HCN2: variants seen among roughly 807,000 people sequenced by gnomAD.
HCN2 encodes potassium/sodium hyperpolarization-activated cyclic nucleotide-gated channel 2.
In HCN2, 20 loss-of-function variants were observed where a neutral mutation model predicts 52.3. The observed-to-expected ratio is 0.38, with a 90% CI of 0.27 to 0.56. The LOEUF (loss-of-function observed/expected upper bound fraction) is 0.56. Ranked by LOEUF, HCN2 falls within the 20% of genes least tolerant of loss-of-function variation. HCN2 has a pLI of 0.71. For missense variants in HCN2, 981 were observed against 1,207.7 expected (o/e 0.81, Z 2.78); for synonymous variants, 694 against 537.0 (o/e 1.29, Z -4.04).
rs756790047 is a variant in HCN2, at chr19:610,418, CCGGGCGGGCGG to C, written c.1584+14_1584+24del. 161 of 1,610,604 alleles carry C rather than the reference CCGGGCGGGCGG, an allele frequency of 1.0e-4. 1 individual carries two copies. In the South Asian group the frequency reaches 1.7e-3, roughly 17 times the overall value. ...GCCCCTGCGGGAGGTGAGGCGGGCG[CCGGGCGGGCGG>C]GAGGCAGCCTCCGGTACAGGGCCGG... On this transcript the variant is annotated intron_variant, in intron 5 of 7. Coordinates refer to ENST00000251287, the MANE Select transcript of HCN2 (RefSeq NM_001194.4).
intron 1 of HCN2, among the ~76,000 whole-genome samples, chr19:596,043 C>T (rs1050761545): frequency 6.6e-6 from 1 of 152,226 alleles, no homozygotes; most frequent in Non-Finnish European, 1.5e-5. Flanking sequence ...GGCTGAGGGT[C>T]CTGGGCCTTC....
At chr19:599,847 C>CATGTGT (rs1983147858) in intron 1 of HCN2, among the ~76,000 whole-genome samples, 1 of 133,302 alleles carries the variant, frequency 7.5e-6, no homozygotes, top group South Asian at 2.5e-4. Flanking sequence ...GAAGGGGTCC[C>CATGTGT]GTGTGTGTGT....
At chr19:612,714 C>CT (rs1039360644) in intron 5 of HCN2, among the ~76,000 whole-genome samples, 2 of 149,124 alleles carry the variant, frequency 1.3e-5, no homozygotes, top group African/African-American at 5.0e-5. Flanking sequence ...CACGCCCGGC[C>CT]TTATTTTTCC....
rs539619894 is a variant in HCN2 at position 613,830 on chromosome 19, C to A, written c.1826-22C>A. 80 of 1,520,532 alleles carry A rather than the reference C, an allele frequency of 5.3e-5. 1 individual carries two copies. In the South Asian group the frequency reaches 6.4e-4, roughly 12 times the overall value. 94.2% of individuals were successfully genotyped at this position (1,520,532 alleles called of 1,614,324 possible). ...GCGGCGCCCGCCTCGTCCAGCAACC[C>A]CCCCCTGCGCGCCACGTGCAGAGAT... On this transcript the variant is annotated intron_variant, in intron 6 of 7. Coordinates refer to ENST00000251287, the MANE Select transcript of HCN2 (RefSeq NM_001194.4).
intron 2 of HCN2, among the ~76,000 whole-genome samples, chr19:604,810 GGGGGCTGT>G: frequency 3.0e-5 from 3 of 98,736 alleles, no homozygotes; most frequent in Non-Finnish European, 3.9e-5. Context: ...GTCCTAGGGC[GGGGGCTGT>G]GGATTTGGGG....
chr19:592,371 G>A lies in HCN2; in HGVS notation c.632+1794G>A, dbSNP rs1009662537. ...AGAGGGGCGGTCGGTGGCCTGGGGG[G>A]CAGGTGGGCAGATGGCTGATCCCGG... On this transcript the variant is annotated intron_variant, in intron 1 of 7. Coordinates refer to ENST00000251287, the MANE Select transcript of HCN2 (RefSeq NM_001194.4). The surrounding 1 kb of genome is among the most constrained non-coding windows in gnomAD (Gnocchi z 4.8). 6.6e-6 allele frequency among the ~76,000 whole-genome samples: 1 copy of A among 152,226 alleles called. No individual in the cohort carries two copies. Among genetic ancestry groups the A allele is most frequent in the Non-Finnish European group, 1.5e-5 (1 of 68,022 alleles).
At chr19:607,018 CA>C (rs956398612) in intron 3 of HCN2, among the ~76,000 whole-genome samples, 2 of 146,118 alleles carry the variant, frequency 1.4e-5, no homozygotes, top group African/African-American at 5.0e-5. Context: ...ACTAAAAATA[CA>C]AAACTAGCTT....
At chr19:606,385 G>C (rs527851728) in intron 3 of HCN2, among the ~76,000 whole-genome samples, 2 of 152,006 alleles carry the variant, frequency 1.3e-5, no homozygotes, top group Admixed American at 6.6e-5. Context: ...ACAGGCGTGA[G>C]CCACCGCGCC....
At position 592,413 on chromosome 19, in the gene HCN2, C is replaced by T. The variant is rs971212513; in HGVS notation, c.632+1836C>T. On this transcript the variant is annotated intron_variant, in intron 1 of 7. Transcript: ENST00000251287. This position sits in a 1 kb window ranked among gnomAD's most constrained non-coding sequence, Gnocchi z 4.8. ...TGATCCCGGGGCTTGGGGGGAAGGC[C>T]GGTGGTAGGAGTGAAGCCCTCTCAT... 1.3e-5 allele frequency among the ~76,000 whole-genome samples: 2 copies of T among 152,146 alleles called. No individual in the cohort carries two copies. The highest frequency in any genetic ancestry group is 1.9e-4 in the East Asian group (1 of 5,182).
chr19:614,538 G>A (rs28631088), intron 7 of HCN2, among the ~76,000 whole-genome samples: 32,317 of 152,100 alleles, frequency 0.21, 3,913 homozygotes, highest in African/African-American at 0.33. Context: ...ATGTGGAAAC[G>A]GGGAGGAAGA....
In HCN2 at chr19:616,021, C is replaced by T. The variant is rs776967198; in HGVS notation, c.2217C>T (p.Cys739=). The stretch of plus-strand genomic sequence containing the variant: ...AGCAGGCGGCGGCCATGAGCTTCTG[C>T]CCGCAGGTGGCGCGGCCGCTCGTGG... The part of the protein sequence containing the change: ...TLQQAAAMSF[C]PQVARPLVGP... The change falls in exon 8 of 8, where the codon TGC becomes TGT. Residue 739 remains cysteine, a synonymous_variant. Coordinates refer to ENST00000251287, the MANE Select transcript of HCN2 (RefSeq NM_001194.4). 3.5e-5 allele frequency: 48 copies of T among 1,382,298 alleles called. No individual in the cohort carries two copies. Among genetic ancestry groups the T allele is most frequent in the Non-Finnish European group, 4.2e-5 (45 of 1,073,844 alleles). The allele number at this position is 1,382,298 out of a possible 1,614,324, so 85.6% of individuals were successfully genotyped here.
chr19:599,361 G>A (rs1233414260), intron 1 of HCN2, among the ~76,000 whole-genome samples: 1 of 152,192 alleles, frequency 6.6e-6, no homozygotes, highest in East Asian at 1.9e-4. Flanking sequence ...CCAGCGATGA[G>A]CTCCCAGGTT....
At chr19:601,608 G>A (rs1034712155) in intron 1 of HCN2, among the ~76,000 whole-genome samples, 1 of 150,882 alleles carries the variant, frequency 6.6e-6, no homozygotes, top group Non-Finnish European at 1.5e-5. Context: ...ACACGGCGGG[G>A]TGCTCGTCCG....
intron 4 of HCN2, among the ~76,000 whole-genome samples, chr19:608,488 G>T (rs565407490): frequency 4.1e-4 from 62 of 152,256 alleles, no homozygotes; most frequent in Admixed American, 3.9e-4. Flanking sequence ...GGGACCCTGG[G>T]GGTCTGTGGC....
At chr19:611,328 G>A (rs913756539) in intron 5 of HCN2, among the ~76,000 whole-genome samples, 1 of 152,232 alleles carries the variant, frequency 6.6e-6, no homozygotes, top group Non-Finnish European at 1.5e-5. Context: ...CACGCAGGCA[G>A]CAGAGAGCAG....
At chr19:601,321 A>G (rs1160099711) in intron 1 of HCN2, among the ~76,000 whole-genome samples, 1 of 152,052 alleles carries the variant, frequency 6.6e-6, no homozygotes, top group Non-Finnish European at 1.5e-5. Context: ...TCGGAAAAAA[A>G]AAGAAATGGC....
chr19:612,574 C>T (rs1042044524), intron 5 of HCN2, among the ~76,000 whole-genome samples: 1 of 152,006 alleles, frequency 6.6e-6, no homozygotes, highest in East Asian at 1.9e-4. Flanking sequence ...CCACCACACC[C>T]AGCTAATTTT....
chr19:604,838 A>T (rs1313905518), intron 2 of HCN2, among the ~76,000 whole-genome samples: 2 of 45,936 alleles, frequency 4.4e-5, no homozygotes, highest in Non-Finnish European at 7.5e-5. Flanking sequence ...GGGGTCCTGC[A>T]GTGAAGGCTG....
chr19:613,177 T>C (rs1983719884), intron 5 of HCN2, 71 bp from the exon 6 acceptor site: 2 of 1,524,828 alleles, frequency 1.3e-6, no homozygotes, highest in South Asian at 2.4e-5. Flanking sequence ...GGTGAGCCGG[T>C]CCCAGAGGCA....
Sources: gnomAD v4.1 joint callset for allele counts (sites outside exome capture counted in the v4.1 genomes callset) on GRCh38, gnomAD v4.1.1 for gene constraint, Gnocchi (gnomAD v3.1) non-coding constraint, MANE v1.5 for transcripts, NCBI Gene and HGNC (gene_info 2026-07-23, HGNC 2026-07-21) for gene names.